PDE8A: variants seen among roughly 807,000 people sequenced by gnomAD.
PDE8A encodes high affinity cAMP-specific and IBMX-insensitive 3',5'-cyclic phosphodiesterase 8A.
Under a neutral mutation model 105.0 loss-of-function variants are expected in PDE8A, and 59 were observed. The observed-to-expected ratio is 0.56, with a 90% CI of 0.46 to 0.70. The LOEUF (loss-of-function observed/expected upper bound fraction) is 0.70, where lower values mean the gene tolerates loss of function less well. PDE8A is among the 30% of genes least tolerant of loss of function. PDE8A has a pLI of 0.00. For synonymous variants in PDE8A, 355 were observed against 371.9 expected, an observed-to-expected ratio of 0.95 and a Z score of 0.52; for missense variants, 1,014 against 1,045.9, an observed-to-expected ratio of 0.97 and a Z score of 0.42.
chr15:85,127,030 T>A (rs1486910961), intron 20 of PDE8A, among the ~76,000 whole-genome samples: 3 of 152,108 alleles, frequency 2.0e-5, no homozygotes, highest in Non-Finnish European at 4.4e-5. Context: ...ACCTTGTCTC[T>A]ACAAAAAAAT....
chr15:85,075,114 A>G (rs1469619095), intron 3 of PDE8A, among the ~76,000 whole-genome samples: 1 of 151,156 alleles, frequency 6.6e-6, no homozygotes, highest in Admixed American at 6.6e-5. Flanking sequence ...TCTTTCTTTT[A>G]CTCTATGTCA....
Position 85,137,699 on chromosome 15 carries a change from C to G in PDE8A, c.2384-98C>G, listed in dbSNP as rs146074941. 12 of 770,096 alleles carry G rather than the reference C, an allele frequency of 1.6e-5. 1 individual carries two copies. Among genetic ancestry groups the G allele is most frequent in the African/African-American group, 1.2e-4 (7 of 58,562 alleles). 47.7% of individuals were successfully genotyped at this position (770,096 alleles called of 1,614,324 possible). The stretch of plus-strand genomic sequence containing the variant: ...GGGTCTGTTTAGCCTCACGCAGATG[C>G]CTGCTCCCATCTGTCACTCTTTAAA... On this transcript the variant is annotated intron_variant, in intron 21 of 21. Coordinates refer to ENST00000394553, the MANE Select transcript of PDE8A (RefSeq NM_002605.3).
chr15:85,129,835 G>A (rs1441102383), intron 20 of PDE8A, among the ~76,000 whole-genome samples: 1 of 151,998 alleles, frequency 6.6e-6, no homozygotes, highest in African/African-American at 2.4e-5. Context: ...CCTTATCACT[G>A]TTTTTGCTGC....
chr15:85,047,867 C>G (rs1012880824), intron 1 of PDE8A, among the ~76,000 whole-genome samples: 4 of 152,068 alleles, frequency 2.6e-5, no homozygotes, highest in African/African-American at 9.7e-5. Context: ...TATATACATA[C>G]TTTTTACTCA....
At chr15:85,100,392 TG>T (rs1179111523) in intron 11 of PDE8A, 194 bp downstream of exon 11, 6 of 591,860 alleles carry the variant, frequency 1.0e-5, no homozygotes, top group Non-Finnish European at 1.2e-5. Flanking sequence ...AGCATTCTGA[TG>T]GGTGCCCTGG....
intron 18 of PDE8A, among the ~76,000 whole-genome samples, chr15:85,122,829 AT>A (rs1480197199): frequency 6.6e-6 from 1 of 152,196 alleles, no homozygotes; most frequent in Non-Finnish European, 1.5e-5. Context: ...CACTGCAACT[AT>A]AAGTTTTGCC....
chr15:85,089,141 A>C (rs1015776543), intron 6 of PDE8A, among the ~76,000 whole-genome samples, 197 bp from the exon 7 acceptor site: 2 of 152,154 alleles, frequency 1.3e-5, no homozygotes, highest in Admixed American at 6.5e-5. Flanking sequence ...TATTGGAAGG[A>C]AAGATACCGC....
At chr15:85,084,702 AGCAGCAAATG>A (rs1190804000) in intron 6 of PDE8A, among the ~76,000 whole-genome samples, 4 of 152,180 alleles carry the variant, frequency 2.6e-5, no homozygotes, top group South Asian at 2.1e-4. Context: ...AGATCTTGTA[AGCAGCAAATG>A]GCAAAAATAG....
chr15:85,033,983 CA>C (rs1312595620), intron 1 of PDE8A, among the ~76,000 whole-genome samples: 1 of 152,182 alleles, frequency 6.6e-6, no homozygotes, highest in African/African-American at 2.4e-5. Flanking sequence ...CTTGAATCTA[CA>C]GTTTGAAAAG....
chr15:85,032,118 G>A (rs1473245224), intron 1 of PDE8A, among the ~76,000 whole-genome samples: 3 of 152,162 alleles, frequency 2.0e-5, no homozygotes, highest in Non-Finnish European at 4.4e-5. Context: ...CAGCTTTGAG[G>A]TTCAGTGTTT....
chr15:85,127,637 G>T (rs2141639247), intron 20 of PDE8A, among the ~76,000 whole-genome samples: 1 of 152,304 alleles, frequency 6.6e-6, no homozygotes, highest in Admixed American at 6.5e-5. Flanking sequence ...GAACTTTACA[G>T]TGAAAACCAT....
At chr15:85,006,108 T>G (rs948124636) in intron 1 of PDE8A, among the ~76,000 whole-genome samples, 2 of 151,642 alleles carry the variant, frequency 1.3e-5, no homozygotes, top group Non-Finnish European at 2.9e-5. Flanking sequence ...CATCACACTC[T>G]GGGGACTGTT....
At chr15:85,129,941 T>G (rs2082308046) in intron 20 of PDE8A, among the ~76,000 whole-genome samples, 2 of 152,326 alleles carry the variant, frequency 1.3e-5, no homozygotes, top group Non-Finnish European at 2.9e-5. Flanking sequence ...CTTGGTTGTT[T>G]AAGCGTATAT....
At chr15:85,038,109 G>A (rs978103095) in intron 1 of PDE8A, among the ~76,000 whole-genome samples, 1 of 152,130 alleles carries the variant, frequency 6.6e-6, no homozygotes, top group African/African-American at 2.4e-5. Flanking sequence ...TTGTTGATGA[G>A]CTCACTTTCT....
At chr15:84,999,415 G>A (rs1023666403) in intron 1 of PDE8A, among the ~76,000 whole-genome samples, 5 of 151,976 alleles carry the variant, frequency 3.3e-5, no homozygotes, top group Non-Finnish European at 5.9e-5. Flanking sequence ...GAGCCACCGC[G>A]CCTGGCCCAT....
chr15:84,981,181 G>C (rs1454041498), upstream of PDE8A, among the ~76,000 whole-genome samples: 4 of 152,244 alleles, frequency 2.6e-5, no homozygotes, highest in African/African-American at 9.6e-5. Context: ...GGAGGTGGCT[G>C]TGTGTCCCTG....
chr15:85,059,477 A>C (rs1444870869), intron 1 of PDE8A, among the ~76,000 whole-genome samples: 1 of 152,046 alleles, frequency 6.6e-6, no homozygotes, highest in East Asian at 1.9e-4. Context: ...CAATTCTGTC[A>C]GTTTTTACTT....
chr15:85,107,370 G>A (rs1392487314), intron 11 of PDE8A, among the ~76,000 whole-genome samples: 1 of 152,216 alleles, frequency 6.6e-6, no homozygotes, highest in East Asian at 1.9e-4. Context: ...CCATTGAAGT[G>A]TTTTGATTGA....
Position 85,055,061 on chromosome 15 carries a change from C to T in PDE8A, c.187-9309C>T, listed in dbSNP as rs367545546. ...AACCTCTTTATTTCTGCCTTCATTTCGTTATGTATCCAGTAGTCATTCGGG... is the reference window on the plus strand; with the variant it reads ...AACCTCTTTATTTCTGCCTTCATTTTGTTATGTATCCAGTAGTCATTCGGG... On this transcript the variant is annotated intron_variant, in intron 1 of 21. Coordinates refer to ENST00000394553, the MANE Select transcript of PDE8A (RefSeq NM_002605.3). 5.3e-5 allele frequency among the ~76,000 whole-genome samples: 8 copies of T among 152,110 alleles called. No homozygotes were observed. The East Asian group carries it at 1.3e-3, about 26-fold the overall frequency.
Sources: gnomAD v4.1 joint callset for allele counts (sites outside exome capture counted in the v4.1 genomes callset) on GRCh38, gnomAD v4.1.1 for gene constraint, MANE v1.5 for transcripts, NCBI Gene and HGNC (gene_info 2026-07-23, HGNC 2026-07-21) for gene names.